Variants in NPC1 observed in about 807,000 individuals in gnomAD.
NPC1 encodes NPC intracellular cholesterol transporter 1, also known as Niemann-Pick C1 protein.
In NPC1, 85 loss-of-function variants were observed where a neutral mutation model predicts 140.4. The observed-to-expected ratio is 0.61, with a 90% confidence interval of 0.51 to 0.72. NPC1 has a LOEUF of 0.72. Among genes scored for constraint, NPC1 ranks in the 30% least tolerant of loss-of-function variants. NPC1 has a pLI of 0.00. For synonymous variants in NPC1, 656 were observed against 624.8 expected (o/e 1.05, Z -0.74); for missense variants, 1,504 against 1,623.8 (o/e 0.93, Z 1.27).
chr18:23,557,449 T>C (rs2058970825), intron 6 of NPC1, among the ~76,000 whole-genome samples: 1 of 152,234 alleles, frequency 6.6e-6, no homozygotes, highest in South Asian at 2.1e-4. Context: ...TTAAAACTTT[T>C]AGGTCCTTTA....
intron 1 of NPC1, among the ~76,000 whole-genome samples, chr18:23,580,409 A>G (rs1231961416): frequency 6.6e-6 from 1 of 152,204 alleles, no homozygotes; most frequent in Non-Finnish European, 1.5e-5. Flanking sequence ...ATGATCCTAT[A>G]CAAGTGTTCC....
chr18:23,537,933 A>G (rs1023807278), intron 20 of NPC1, among the ~76,000 whole-genome samples: 4 of 152,200 alleles, frequency 2.6e-5, no homozygotes, highest in African/African-American at 9.6e-5. Context: ...GGGTTTACCT[A>G]ACATACATGG....
intron 10 of NPC1, among the ~76,000 whole-genome samples, chr18:23,549,483 C>T (rs2058835947): frequency 6.6e-6 from 1 of 151,914 alleles, no homozygotes; most frequent in Non-Finnish European, 1.5e-5. Context: ...ACTAAAAATA[C>T]AAGAAATTAG....
intron 1 of NPC1, among the ~76,000 whole-genome samples, chr18:23,574,606 A>T (rs2059248643): frequency 6.6e-6 from 1 of 152,200 alleles, no homozygotes; most frequent in South Asian, 2.1e-4. Flanking sequence ...AAACATGAGA[A>T]AAAGTCAGCA....
At chr18:23,537,161 C>T (rs757571303) in intron 20 of NPC1, among the ~76,000 whole-genome samples, 6 of 152,100 alleles carry the variant, frequency 3.9e-5, no homozygotes, top group Admixed American at 3.9e-4. Context: ...CTCCACCTCC[C>T]GGGTTCAAGC....
intron 3 of NPC1, among the ~76,000 whole-genome samples, chr18:23,511,749 A>C (rs2057864040): frequency 6.6e-6 from 1 of 151,972 alleles, no homozygotes; most frequent in African/African-American, 2.4e-5. Flanking sequence ...GCAGTTTAAA[A>C]ATTTTCTTGT....
intron 4 of NPC1, among the ~76,000 whole-genome samples, chr18:23,566,104 T>TA (rs1057483060): frequency 3.3e-5 from 5 of 152,112 alleles, no homozygotes; most frequent in South Asian, 2.1e-4. Flanking sequence ...GCCTCAACAT[T>TA]AAAAAAATAA....
chr18:23,575,769 C>CCAAAAAAAAAA (rs2059267116), intron 1 of NPC1, among the ~76,000 whole-genome samples: 2 of 35,082 alleles, frequency 5.7e-5, no homozygotes, highest in Non-Finnish European at 1.2e-4. Context: ...CAGAGAAGAC[C>CCAAAAAAAAAA]AAAAAAAAAA....
Position 23,539,961 on chromosome 18 carries a change from T to C in NPC1, c.2645A>G (p.Tyr882Cys), listed in dbSNP as rs748414541. The C allele has an allele frequency of 3.1e-6, 5 of 1,614,204 alleles. No individual in the cohort carries two copies. Among genetic ancestry groups the C allele is most frequent in the Non-Finnish European group, 4.2e-6 (5 of 1,180,034 alleles). Residue 882 changes from tyrosine (Y) to cysteine (C), a missense_variant, in exon 18 of 25, where the codon TAC becomes TGC. Physicochemically the swap from Tyr to Cys is radical, Grantham distance 194. Coordinates refer to ENST00000269228, the MANE Select transcript of NPC1 (RefSeq NM_000271.5). Reference sequence around the variant, plus strand: ...GTACACAGGCGGACCCGCATGCAGGTACTGACTGATGGATTTGAAATAATC... The same window carrying C: ...GTACACAGGCGGACCCGCATGCAGGCACTGACTGATGGATTTGAAATAATC... Reference protein sequence around the residue: ...MVDYFKSISQYLHAGPPVYFV... With the variant: ...MVDYFKSISQCLHAGPPVYFV...
At chr18:23,575,377 A>C (rs1360692377) in intron 1 of NPC1, among the ~76,000 whole-genome samples, 1 of 152,122 alleles carries the variant, frequency 6.6e-6, no homozygotes, top group Admixed American at 6.6e-5. Context: ...AGTGGGATCG[A>C]GTCCTGGGTT....
At chr18:23,556,181 T>G (rs1281254629) in intron 8 of NPC1, 62 bp downstream of exon 8, 1 of 1,449,436 alleles carries the variant, frequency 6.9e-7, no homozygotes, top group Non-Finnish European at 9.7e-7. Flanking sequence ...GTAGTCAACA[T>G]GTAAAAGCCA....
At position 23,544,943 on chromosome 18, in the gene NPC1, A is replaced by ACCCCCCCCCCCCC. The variant is rs3837910; in HGVS notation, c.1947+16_1947+17insGGGGGGGGGGGGG. 8 of 1,042,292 alleles carry ACCCCCCCCCCCCC rather than the reference A, an allele frequency of 7.7e-6. 1 individual carries two copies. Among genetic ancestry groups the ACCCCCCCCCCCCC allele is most frequent in the Admixed American group, 2.2e-5 (1 of 45,632 alleles). The allele number at this position is 1,042,292 out of a possible 1,614,324, so 64.6% of individuals were successfully genotyped here. A position where few individuals can be genotyped will look rare whatever the true frequency, so the allele number is the denominator to read the frequency against. On this transcript the variant is annotated intron_variant, in intron 12 of 24. Coordinates refer to ENST00000269228, the MANE Select transcript of NPC1 (RefSeq NM_000271.5). ...GCTGTTAACCTCTAGAACATACACC[A>ACCCCCCCCCCCCC]CCCCCCCCCGGCTTACCAGAAGCCT...
chr18:23,527,943 C>T (rs765507334), downstream of NPC1: 2 of 1,455,248 alleles, frequency 1.4e-6, no homozygotes, highest in East Asian at 2.3e-5. Context: ...CCTCCCCCAC[C>T]CCCTCCCGGG....
At chr18:23,521,868 C>G (rs189212557), downstream of NPC1, among the ~76,000 whole-genome samples, 90 of 152,272 alleles carry the variant, frequency 5.9e-4, no homozygotes, top group African/African-American at 1.9e-3. Context: ...CTGTGCCTGT[C>G]CCTCGCAGCA....
At chr18:23,521,693 C>CT (rs1417256578), downstream of NPC1, among the ~76,000 whole-genome samples, 26 of 68,918 alleles carry the variant, frequency 3.8e-4, no homozygotes, top group African/African-American at 2.1e-3. Flanking sequence ...CACACTCTCT[C>CT]TCTTTTTTTT....
intron 1 of NPC1, among the ~76,000 whole-genome samples, chr18:23,574,144 AG>A (rs1220767641): frequency 3.9e-5 from 6 of 152,166 alleles, no homozygotes; most frequent in Admixed American, 2.6e-4. Flanking sequence ...CAATCTCAAA[AG>A]AAAATTTTAA....
At chr18:23,559,491 AC>A (rs1248113064) in intron 6 of NPC1, among the ~76,000 whole-genome samples, 9 of 127,862 alleles carry the variant, frequency 7.0e-5, no homozygotes, top group African/African-American at 2.9e-4. Context: ...TTTGACTCTG[AC>A]TTTTTTTTTT....
In NPC1 at chr18:23,561,390, C is replaced by T. The variant is rs779717737; in HGVS notation, c.601G>A (p.Ala201Thr). The change falls in exon 5 of 25, where the codon GCA becomes ACA. Residue 201 changes from alanine to threonine, a missense_variant. By Grantham distance (58) the Ala-to-Thr change is moderately conservative (BLOSUM62 0). Coordinates refer to ENST00000269228, the MANE Select transcript of NPC1 (RefSeq NM_000271.5). ...AACACAGGAGTGATGGTAAAAGGTG[C>T]CTGTCCATTGTCCTTATTGAACATG... Reference protein sequence around the residue: ...EYMFNKDNGQAPFTITPVFSD... With the variant: ...EYMFNKDNGQTPFTITPVFSD... The T allele has an allele frequency of 1.2e-6, 2 of 1,614,196 alleles. No homozygotes were observed. Among genetic ancestry groups the T allele is most frequent in the South Asian group, 1.1e-5 (1 of 91,084 alleles).
intron 4 of NPC1, among the ~76,000 whole-genome samples, chr18:23,564,772 ATGTTTTAT>A (rs1233793965): frequency 7.9e-5 from 12 of 151,752 alleles, no homozygotes; most frequent in African/African-American, 2.7e-4. Context: ...ATTAATCCCT[ATGTTTTAT>A]TGTTTTATAG....
Sources: allele counts gnomAD v4.1 joint callset (sites outside exome capture counted in the v4.1 genomes callset), GRCh38; gene constraint gnomAD v4.1.1; transcripts MANE v1.5; gene names NCBI Gene and HGNC (gene_info 2026-07-23, HGNC 2026-07-21).